YWHAE: variants seen among roughly 807,000 people sequenced by gnomAD.
YWHAE encodes 14-3-3 protein epsilon.
YWHAE carries 4 observed loss-of-function variants against 30.1 expected under a neutral mutation model. That is an observed-to-expected ratio of 0.13 (90% CI 0.07 to 0.30). The LOEUF (loss-of-function observed/expected upper bound fraction) is 0.30. Ranked by LOEUF, YWHAE falls within the 10% of genes least tolerant of loss-of-function variation. The probability of loss-of-function intolerance (pLI) is 1.00; values close to 1 mark genes in which losing one functional copy is unlikely to be tolerated. For synonymous variants in YWHAE, 118 were observed against 111.8 expected (o/e 1.06, Z -0.35); for missense variants, 121 against 315.9 (o/e 0.38, Z 4.68).
At chr17:1,361,469 C>T (rs2072864287) in intron 3 of YWHAE, among the ~76,000 whole-genome samples, 171 bp from the exon 4 acceptor site, 1 of 152,078 alleles carries the variant, frequency 6.6e-6, no homozygotes, top group Non-Finnish European at 1.5e-5. Flanking sequence ...GGCTTCGTTT[C>T]ATTTTTTTCC....
chr17:1,399,140 A>C lies in YWHAE; in HGVS notation c.64+907T>G, dbSNP rs565834923. 1.6e-4 allele frequency: 24 copies of C among 152,006 alleles called. No homozygotes were observed. In the East Asian group the frequency reaches 4.4e-3, roughly 28 times the overall value. The allele number at this position is 152,006 out of a possible 1,614,324, so 9.4% of individuals were successfully genotyped here. ...AGTCATCGTTTTTACAAACGGGGGGACGGAGGCTCGGGCTCTACAAAGGCT... is the reference window on the plus strand; with the variant it reads ...AGTCATCGTTTTTACAAACGGGGGGCCGGAGGCTCGGGCTCTACAAAGGCT... On this transcript the variant is annotated intron_variant, in intron 1 of 5. Coordinates refer to ENST00000264335, the MANE Select transcript of YWHAE (RefSeq NM_006761.5).
intron 1 of YWHAE, among the ~76,000 whole-genome samples, chr17:1,380,256 C>T (rs187268356): frequency 9.9e-4 from 150 of 152,046 alleles, no homozygotes; most frequent in Non-Finnish European, 1.9e-3. Context: ...GGATTACAGG[C>T]GCACACTACC....
chr17:1,367,094 AAT>A (rs1463454577), intron 1 of YWHAE, among the ~76,000 whole-genome samples: 1 of 152,202 alleles, frequency 6.6e-6, no homozygotes, highest in African/African-American at 2.4e-5. Flanking sequence ...AATATTCGGC[AAT>A]GTTTTAATAA....
chr17:1,384,424 G>A (rs1195356396), intron 1 of YWHAE, among the ~76,000 whole-genome samples: 2 of 151,632 alleles, frequency 1.3e-5, no homozygotes, highest in Non-Finnish European at 2.9e-5. Flanking sequence ...GGGCGCGGTG[G>A]CTCACGCCTG....
intron 5 of YWHAE, among the ~76,000 whole-genome samples, chr17:1,349,648 C>G (rs902154438): frequency 6.7e-6 from 1 of 150,188 alleles, no homozygotes; most frequent in Non-Finnish European, 1.5e-5. Flanking sequence ...GAGTCTTGCT[C>G]TGTCGCCCAG....
intron 1 of YWHAE, among the ~76,000 whole-genome samples, chr17:1,393,180 A>G (rs1374005673): frequency 1.3e-5 from 2 of 150,640 alleles, no homozygotes; most frequent in African/African-American, 4.9e-5. Context: ...ATAAAATTTA[A>G]AAACATACAA....
At chr17:1,362,037 A>G (rs2072872496) in intron 2 of YWHAE, 29 bp from the exon 3 acceptor site, 3 of 1,334,324 alleles carry the variant, frequency 2.2e-6, no homozygotes, top group Non-Finnish European at 2.0e-6. Context: ...TTTTTAAATC[A>G]GATTAAGTCT....
intron 4 of YWHAE, among the ~76,000 whole-genome samples, chr17:1,358,829 T>TAAA (rs35681702): frequency 0.041 from 4,570 of 111,252 alleles, 145 homozygotes; most frequent in East Asian, 0.059. Flanking sequence ...GACTCCATCT[T>TAAA]AAAAAAAAAA....
At chr17:1,394,436 CAAAAAAAAA>C (rs544115909) in intron 1 of YWHAE, among the ~76,000 whole-genome samples, 30 of 58,548 alleles carry the variant, frequency 5.1e-4, no homozygotes, top group African/African-American at 2.5e-3. Context: ...CTCAAATCCA[CAAAAAAAAA>C]AAAAAAAAAA....
intron 5 of YWHAE, among the ~76,000 whole-genome samples, chr17:1,353,775 A>G (rs2072681778): frequency 1.3e-5 from 2 of 152,016 alleles, no homozygotes; most frequent in African/African-American, 4.8e-5. Context: ...AAAAAAAAAA[A>G]AAGAGACCCA....
At chr17:1,347,989 T>G (rs2072555214) in intron 5 of YWHAE, 3 of 1,011,776 alleles carry the variant, frequency 3.0e-6, no homozygotes, top group Non-Finnish European at 3.5e-6. Flanking sequence ...AAAGGAAGAG[T>G]TGGGTTTTCC....
At chr17:1,382,822 C>T (rs916977758) in intron 1 of YWHAE, among the ~76,000 whole-genome samples, 4 of 152,010 alleles carry the variant, frequency 2.6e-5, no homozygotes, top group Non-Finnish European at 5.9e-5. Context: ...GTCAGGAGAT[C>T]GAGACCAGCC....
chr17:1,352,778 G>A (rs1416061468), intron 5 of YWHAE, among the ~76,000 whole-genome samples: 1 of 152,118 alleles, frequency 6.6e-6, no homozygotes, highest in Non-Finnish European at 1.5e-5. Flanking sequence ...ACCCGCCATG[G>A]CGTCCCAAAG....
At chr17:1,353,615 T>C (rs1281365759) in intron 5 of YWHAE, among the ~76,000 whole-genome samples, 1 of 151,416 alleles carries the variant, frequency 6.6e-6, no homozygotes, top group Non-Finnish European at 1.5e-5. Flanking sequence ...ATACAAAAAC[T>C]AGGTAGTCGT....
At chr17:1,381,855 G>T (rs1286410999) in intron 1 of YWHAE, among the ~76,000 whole-genome samples, 2 of 143,618 alleles carry the variant, frequency 1.4e-5, no homozygotes, top group African/African-American at 5.3e-5. Flanking sequence ...CAAGGCTGCA[G>T]TGAGCCCAGA....
At chr17:1,362,086 T>C (rs2072873399) in intron 2 of YWHAE, 78 bp from the exon 3 acceptor site, 4 of 860,248 alleles carry the variant, frequency 4.6e-6, no homozygotes, top group South Asian at 2.4e-5. Context: ...ATCTCTGGTT[T>C]TGAGGTAGAG....
intron 1 of YWHAE, among the ~76,000 whole-genome samples, chr17:1,368,563 CAAA>C (rs11285222): frequency 3.1e-4 from 32 of 102,384 alleles, no homozygotes; most frequent in Admixed American, 3.0e-4. Context: ...GACTCTGTCT[CAAA>C]AAAAAAAAAA....
At position 1,361,952 on chromosome 17, in the gene YWHAE, G is replaced by A. The variant is rs769433370; in HGVS notation, c.321C>T (p.His107=). Residue 107 remains histidine, a synonymous_variant, in exon 3 of 6, where the codon CAC becomes CAT. Transcript: ENST00000264335. ...CCDILDVLDK[H]LIPAANTGES... The stretch of plus-strand genomic sequence containing the variant: ...CGCCAGTGTTAGCTGCTGGAATGAG[G>A]TGTTTGTCCAGTACATCCAGAATGT... 1.5e-4 allele frequency: 249 copies of A among 1,608,314 alleles called. 3 individuals are homozygous for A. The South Asian group carries it at 2.5e-3, about 16-fold the overall frequency.
rs1223272254 is a variant in YWHAE at position 1,365,073 on chromosome 17, G to T, written c.65-15C>A. 2 of 1,612,400 alleles carry T rather than the reference G, an allele frequency of 1.2e-6. No homozygotes were observed. The highest frequency in any genetic ancestry group is 1.7e-6 in the Non-Finnish European group (2 of 1,179,558). On this transcript the variant is annotated splice_polypyrimidine_tract_variant and intron_variant, in intron 1 of 5. Transcript: ENST00000264335. ...CTCCACCATTTCTGTATGGGAAAAGGAAAAGTCAGACCTTACAAATTTGAA... is the reference window on the plus strand; with the variant it reads ...CTCCACCATTTCTGTATGGGAAAAGTAAAAGTCAGACCTTACAAATTTGAA...
Sources: gnomAD v4.1 joint callset for allele counts (sites outside exome capture counted in the v4.1 genomes callset) on GRCh38, gnomAD v4.1.1 for gene constraint, MANE v1.5 for transcripts, NCBI Gene and HGNC (gene_info 2026-07-23, HGNC 2026-07-21) for gene names.